The following NR2F1-AS1 variants were observed in gnomAD, a reference collection of about 807,000 sequenced individuals.
The protein encoded by NR2F1-AS1 is NR2F1 antisense RNA 1.
chr5:93,466,892 A>T, intron 4 of NR2F1-AS1, among the ~76,000 whole-genome samples: 1 of 112,090 alleles, frequency 8.9e-6, no homozygotes, highest in Non-Finnish European at 1.7e-5. Context: ...CTTCTCCAGA[A>T]TATCCCTTTT....
intron 4 of NR2F1-AS1, among the ~76,000 whole-genome samples, chr5:93,505,008 A>C (rs544773434): frequency 2.0e-5 from 3 of 152,344 alleles, no homozygotes; most frequent in East Asian, 1.9e-4. Flanking sequence ...GAGACCAGGC[A>C]AGTCCCTTCC....
intron 4 of NR2F1-AS1, among the ~76,000 whole-genome samples, chr5:93,460,531 GACA>G (rs1024341437): frequency 1.8e-4 from 28 of 152,150 alleles, no homozygotes; most frequent in African/African-American, 4.8e-4. Context: ...TAAAATGAAG[GACA>G]ACATTTCTAC....
At chr5:93,430,344 C>G (rs1019909770) in intron 4 of NR2F1-AS1, among the ~76,000 whole-genome samples, 8 of 152,176 alleles carry the variant, frequency 5.3e-5, no homozygotes, top group African/African-American at 1.9e-4. Context: ...CTGCACTCTT[C>G]GTGTCGTGGC....
At chr5:93,426,497 G>A (rs901267792) in intron 4 of NR2F1-AS1, among the ~76,000 whole-genome samples, 1 of 152,168 alleles carries the variant, frequency 6.6e-6, no homozygotes, top group African/African-American at 2.4e-5. Context: ...CATAGGCTCT[G>A]GAGTCAAAAA....
At chr5:93,537,416 A>G (rs771010480) in intron 4 of NR2F1-AS1, among the ~76,000 whole-genome samples, 2 of 152,152 alleles carry the variant, frequency 1.3e-5, no homozygotes, top group Non-Finnish European at 2.9e-5. Context: ...TGCATATTGT[A>G]CCTCTGACAA....
At position 93,473,010 on chromosome 5, in the gene NR2F1-AS1, T is replaced by C. The variant is rs1750401980; in HGVS notation, n.639-77468A>G. Among the ~76,000 whole-genome samples, 4 of 152,100 alleles carry C rather than the reference T, an allele frequency of 2.6e-5. No individual in the cohort carries two copies. In the South Asian group the frequency reaches 8.3e-4, roughly 32 times the overall value. Reference sequence around the variant, plus strand: ...ACCAATATATAAAACATATACCACCTATACCATTAAGATGATTAAACCAAG... The same window carrying C: ...ACCAATATATAAAACATATACCACCCATACCATTAAGATGATTAAACCAAG... On this transcript the variant is annotated intron_variant and non_coding_transcript_variant, in intron 4 of 5. Coordinates refer to ENST00000660523, the Ensembl canonical transcript of NR2F1-AS1.
intron 4 of NR2F1-AS1, among the ~76,000 whole-genome samples, chr5:93,453,339 A>G (rs1749878374): frequency 6.6e-6 from 1 of 152,098 alleles, no homozygotes; most frequent in Admixed American, 6.6e-5. Context: ...ACTAATATAT[A>G]TGTAACTGGA....
At chr5:93,583,146 C>A (rs1753152933), upstream of NR2F1-AS1, 1 of 152,198 alleles carries the variant, frequency 6.6e-6, no homozygotes, top group Admixed American at 6.5e-5. Flanking sequence ...AGGCAGCGAT[C>A]TCCATAGAAA....
intron 4 of NR2F1-AS1, among the ~76,000 whole-genome samples, chr5:93,526,531 A>G (rs1751619097): frequency 6.6e-6 from 1 of 152,218 alleles, no homozygotes; most frequent in African/African-American, 2.4e-5. Flanking sequence ...AACCTGGCAG[A>G]GACATAACAC....
intron 4 of NR2F1-AS1, among the ~76,000 whole-genome samples, chr5:93,440,363 G>A (rs1749541117): frequency 6.6e-6 from 1 of 152,222 alleles, no homozygotes; most frequent in African/African-American, 2.4e-5. Flanking sequence ...TCAGTAGACT[G>A]AGTAAAGCAG....
At chr5:93,505,057 T>A (rs1257520780) in intron 4 of NR2F1-AS1, among the ~76,000 whole-genome samples, 3 of 152,126 alleles carry the variant, frequency 2.0e-5, no homozygotes, top group Admixed American at 2.0e-4. Context: ...TCTAGTTACT[T>A]CCTAAATACA....
chr5:93,457,844 C>T (rs895023837), intron 4 of NR2F1-AS1, among the ~76,000 whole-genome samples: 1 of 152,066 alleles, frequency 6.6e-6, no homozygotes, highest in African/African-American at 2.4e-5. Flanking sequence ...TCTGACATCA[C>T]CATTCTATTC....
chr5:93,425,325 G>A (rs1412255181), intron 4 of NR2F1-AS1, among the ~76,000 whole-genome samples: 1 of 152,120 alleles, frequency 6.6e-6, no homozygotes, highest in Admixed American at 6.6e-5. Context: ...CACTCATCCT[G>A]CAGCACAATA....
chr5:93,445,237 C>G (rs1192507809), intron 4 of NR2F1-AS1, among the ~76,000 whole-genome samples: 2 of 152,060 alleles, frequency 1.3e-5, no homozygotes, highest in Non-Finnish European at 2.9e-5. Flanking sequence ...ACAAAAAACC[C>G]TTCAAAATAT....
intron 4 of NR2F1-AS1, among the ~76,000 whole-genome samples, chr5:93,468,249 G>A (rs1036837629): frequency 1.3e-5 from 2 of 152,142 alleles, no homozygotes; most frequent in African/African-American, 4.8e-5. Context: ...CACAATGGTT[G>A]AACTAATTTA....
intron 4 of NR2F1-AS1, among the ~76,000 whole-genome samples, chr5:93,416,433 G>C (rs1379671801): frequency 6.6e-6 from 1 of 152,074 alleles, no homozygotes; most frequent in African/African-American, 2.4e-5. Flanking sequence ...ATAGAACAGA[G>C]ATTATATCTA....
intron 4 of NR2F1-AS1, among the ~76,000 whole-genome samples, chr5:93,435,653 C>T (rs1415997037): frequency 6.6e-6 from 1 of 152,198 alleles, no homozygotes; most frequent in South Asian, 2.1e-4. Flanking sequence ...GAATGCCCCT[C>T]CTGATGCCCC....
At chr5:93,502,439 A>G (rs1026165222) in intron 4 of NR2F1-AS1, among the ~76,000 whole-genome samples, 2 of 152,208 alleles carry the variant, frequency 1.3e-5, no homozygotes, top group African/African-American at 4.8e-5. Flanking sequence ...ATATGCAGAC[A>G]GCATAACAAC....
intron 4 of NR2F1-AS1, among the ~76,000 whole-genome samples, chr5:93,518,643 T>C (rs1751443498): frequency 6.6e-6 from 1 of 152,144 alleles, no homozygotes; most frequent in Non-Finnish European, 1.5e-5. Context: ...GACACAGATA[T>C]AATTACATTT....
Sources: allele counts gnomAD v4.1 joint callset (sites outside exome capture counted in the v4.1 genomes callset), GRCh38; gene constraint gnomAD v4.1.1; transcripts MANE v1.5; gene names NCBI Gene and HGNC (gene_info 2026-07-23, HGNC 2026-07-21).